CCDC149: variants seen among roughly 807,000 people sequenced by gnomAD.
CCDC149 encodes coiled-coil domain containing 149, also known as coiled-coil domain-containing protein 149.
CCDC149 carries 45 observed loss-of-function variants against 59.9 expected under a neutral mutation model. The ratio of observed to expected loss-of-function variants is 0.75; its 90% CI spans 0.59 to 0.96. The LOEUF (loss-of-function observed/expected upper bound fraction) is 0.96. Ranked by LOEUF, CCDC149 falls within the 40% of genes least tolerant of loss-of-function variation. CCDC149 has a pLI of 0.00. For missense variants in CCDC149, 584 were observed against 664.7 expected, an observed-to-expected ratio of 0.88 and a Z score of 1.33; for synonymous variants, 245 against 260.6, an observed-to-expected ratio of 0.94 and a Z score of 0.58.
chr4:24,944,634 A>G (rs1577498642), intron 1 of CCDC149, among the ~76,000 whole-genome samples: 1 of 151,988 alleles, frequency 6.6e-6, no homozygotes, highest in Non-Finnish European at 1.5e-5. Context: ...TAGGACAAAT[A>G]CCTAATGCAT....
intron 1 of CCDC149, among the ~76,000 whole-genome samples, chr4:24,888,739 G>A (rs896573907): frequency 2.6e-5 from 4 of 152,066 alleles, no homozygotes; most frequent in Admixed American, 2.0e-4. Flanking sequence ...TAACACCCTC[G>A]CACCTTGGGT....
chr4:24,853,493 CAGG>C (rs1413353752), intron 3 of CCDC149, among the ~76,000 whole-genome samples: 1 of 149,904 alleles, frequency 6.7e-6, no homozygotes, highest in Non-Finnish European at 1.5e-5. Context: ...GAGGCTGAGG[CAGG>C]AGAATTGCTT....
chr4:24,971,328 C>G (rs1723962564), intron 1 of CCDC149, among the ~76,000 whole-genome samples: 1 of 152,128 alleles, frequency 6.6e-6, no homozygotes, highest in African/African-American at 2.4e-5. Context: ...GTGTCCTTGC[C>G]CGGGGGACGC....
intron 1 of CCDC149, among the ~76,000 whole-genome samples, chr4:24,941,360 C>T (rs553251415): frequency 6.6e-6 from 1 of 152,240 alleles, no homozygotes; most frequent in East Asian, 1.9e-4. Context: ...AGAACAAAGA[C>T]ACAACATACC....
At chr4:24,913,562 A>G (rs1722023491), upstream of CCDC149, among the ~76,000 whole-genome samples, 1 of 152,242 alleles carries the variant, frequency 6.6e-6, no homozygotes, top group South Asian at 2.1e-4. Flanking sequence ...GCAAATGTAA[A>G]AATTGAAAAT....
intron 1 of CCDC149, among the ~76,000 whole-genome samples, chr4:24,967,393 G>A (rs1723832045): frequency 6.6e-6 from 1 of 152,120 alleles, no homozygotes; most frequent in Non-Finnish European, 1.5e-5. Context: ...ATGGAACTTG[G>A]CAGATGACGG....
In CCDC149 at chr4:24,912,914, T is replaced by G; in HGVS notation, c.-35A>C. ...GGCCTCCTGGACCCCCGCCGCCTCC[T>G]CCTCCTCGCGACGTCGCGTCGCCGC... On this transcript the variant is annotated 5_prime_UTR_variant, in exon 1 of 13. Coordinates refer to ENST00000635206, the MANE Select transcript of CCDC149 (RefSeq NM_001330643.2). The G allele has an allele frequency of 8.1e-7, 1 of 1,238,742 alleles. No individual in the cohort carries two copies. Among genetic ancestry groups the G allele is most frequent in the Non-Finnish European group, 1.0e-6 (1 of 959,524 alleles). The allele number at this position is 1,238,742 out of a possible 1,614,324, so 76.7% of individuals were successfully genotyped here.
upstream of CCDC149, among the ~76,000 whole-genome samples, chr4:24,915,722 A>T (rs1273822250): frequency 6.6e-6 from 1 of 152,176 alleles, no homozygotes; most frequent in Non-Finnish European, 1.5e-5. Context: ...TTTTCCTTAG[A>T]GGTTTCATGC....
At chr4:24,803,904 G>A (rs1044463670), downstream of CCDC149, among the ~76,000 whole-genome samples, 1 of 152,140 alleles carries the variant, frequency 6.6e-6, no homozygotes, top group Non-Finnish European at 1.5e-5. This position sits in a 1 kb window ranked among gnomAD's most constrained non-coding sequence, Gnocchi z 4.3. Flanking sequence ...TTTGTTTTGG[G>A]AAGCAACCAT....
At chr4:24,855,130 T>C (rs1450542109) in intron 3 of CCDC149, among the ~76,000 whole-genome samples, 1 of 152,198 alleles carries the variant, frequency 6.6e-6, no homozygotes, top group East Asian at 1.9e-4. Flanking sequence ...CCCAAGCACC[T>C]AGTAGATGCT....
At chr4:24,918,152 T>C (rs12186333) in intron 1 of CCDC149, among the ~76,000 whole-genome samples, 38,374 of 151,694 alleles carry the variant, frequency 0.25, 5,281 homozygotes, top group African/African-American at 0.37. Context: ...TGGATATGGG[T>C]GGAAAAGGAG....
At chr4:24,954,027 A>C (rs904840655) in intron 1 of CCDC149, among the ~76,000 whole-genome samples, 2 of 152,140 alleles carry the variant, frequency 1.3e-5, no homozygotes, top group Admixed American at 1.3e-4. Flanking sequence ...AAAAAAAGTG[A>C]ACAAAGCCTA....
At chr4:24,836,289 G>T in intron 7 of CCDC149, 147 bp downstream of exon 7, 1 of 648,640 alleles carries the variant, frequency 1.5e-6, no homozygotes. Context: ...ATTTGTACTG[G>T]TTACCCCAGT....
rs182353021 is a variant in CCDC149 at position 24,881,518 on chromosome 4, G to A, written c.64-4821C>T. Among the ~76,000 whole-genome samples, 668 of 152,322 alleles carry A rather than the reference G, an allele frequency of 4.4e-3. 7 individuals carry two copies. The highest frequency in any genetic ancestry group is 7.3e-3 in the Non-Finnish European group (498 of 68,036). ...CAGACAACTGCCTGGAGAGCCATTC[G>A]GGTCCACAGAGAACTTTGTGTGATC... On this transcript the variant is annotated intron_variant, in intron 1 of 12. Transcript: ENST00000635206.
At chr4:24,939,558 G>T (rs1054835074) in intron 1 of CCDC149, among the ~76,000 whole-genome samples, 2 of 152,204 alleles carry the variant, frequency 1.3e-5, no homozygotes, top group African/African-American at 4.8e-5. Flanking sequence ...TGACTTTGAC[G>T]AGTTGAGAGA....
intron 9 of CCDC149, chr4:24,827,234 G>A (rs1370447076): frequency 6.6e-6 from 1 of 152,220 alleles, no homozygotes; most frequent in Non-Finnish European, 1.5e-5. Context: ...GGTCTTTAAG[G>A]AAAGCCTGGC....
At chr4:24,914,416 G>C (rs1032769458), upstream of CCDC149, among the ~76,000 whole-genome samples, 3 of 150,802 alleles carry the variant, frequency 2.0e-5, no homozygotes, top group East Asian at 3.9e-4. Context: ...AAAAAAAAAG[G>C]CTTTTAAAGC....
chr4:24,826,425 T>C (rs897181880), intron 9 of CCDC149, among the ~76,000 whole-genome samples: 1 of 152,136 alleles, frequency 6.6e-6, no homozygotes, highest in Non-Finnish European at 1.5e-5. Context: ...CCAGTGGGGA[T>C]GCAGGGGTGC....
intron 12 of CCDC149, among the ~76,000 whole-genome samples, chr4:24,813,915 T>G (rs1714840091): frequency 6.6e-6 from 1 of 152,298 alleles, no homozygotes; most frequent in African/African-American, 2.4e-5. Flanking sequence ...GAAGCAGCGA[T>G]GTGATAACAA....
Sources: gnomAD v4.1 joint callset for allele counts (sites outside exome capture counted in the v4.1 genomes callset) on GRCh38, gnomAD v4.1.1 for gene constraint, Gnocchi (gnomAD v3.1) non-coding constraint, MANE v1.5 for transcripts, NCBI Gene and HGNC (gene_info 2026-07-23, HGNC 2026-07-21) for gene names.